Variants in TMEM94 observed in about 807,000 individuals in gnomAD.
TMEM94 encodes transmembrane protein 94, also known as ER Mg2+ ATPase.
Under a neutral mutation model 158.6 loss-of-function variants are expected in TMEM94, and 81 were observed. The observed-to-expected ratio is 0.51, with a 90% CI of 0.43 to 0.61. TMEM94 has a LOEUF of 0.61. TMEM94 is among the 20% of genes least tolerant of loss of function. The pLI is 0.00. For missense variants in TMEM94, 1,435 were observed against 1,762.0 expected (o/e 0.81, Z 3.32); for synonymous variants, 751 against 730.7 (o/e 1.03, Z -0.45).
At chr17:75,490,939 C>A in intron 11 of TMEM94, 110 bp from the exon 12 acceptor site, 1 of 981,722 alleles carries the variant, frequency 1.0e-6, no homozygotes, top group Non-Finnish European at 1.6e-6. Flanking sequence ...CAGAGAAGTG[C>A]CTCTCCACCC....
chr17:75,458,167 A>T (rs1342597081), intron 1 of TMEM94, among the ~76,000 whole-genome samples: 1 of 151,974 alleles, frequency 6.6e-6, no homozygotes, highest in Non-Finnish European at 1.5e-5. Flanking sequence ...GTTTTTGGGA[A>T]CCATTACAGT....
intron 2 of TMEM94, chr17:75,476,527 T>G (rs1160955822): frequency 7.0e-7 from 1 of 1,429,620 alleles, no homozygotes; most frequent in Non-Finnish European, 9.1e-7. Context: ...AGCTCTGCTC[T>G]GCTGCGCCTG....
At chr17:75,478,252 C>T (rs1425865516) in intron 2 of TMEM94, among the ~76,000 whole-genome samples, 1 of 140,542 alleles carries the variant, frequency 7.1e-6, no homozygotes, top group African/African-American at 2.6e-5. Context: ...CTCCTGACCT[C>T]GTGATCCGCC....
intron 5 of TMEM94, 88 bp downstream of exon 5, chr17:75,486,514 C>T (rs373833876): frequency 2.2e-5 from 33 of 1,528,564 alleles, no homozygotes; most frequent in East Asian, 1.6e-4. Context: ...CCAGCACAGA[C>T]GGGTTGCCTG....
At chr17:75,458,547 T>G (rs2049962095) in intron 1 of TMEM94, among the ~76,000 whole-genome samples, 1 of 151,666 alleles carries the variant, frequency 6.6e-6, no homozygotes, top group South Asian at 2.1e-4. Flanking sequence ...AAAAATTAGC[T>G]GGGCATGGTG....
rs369334833 is a variant in TMEM94, at chr17:75,488,754, G to A, written c.613-5G>A. ...CGTTCCCACTCTCCCACTTGCTGCC[G>A]GCAGGATGACGAGCACATCGTCCTG... On this transcript the variant is annotated splice_region_variant and splice_polypyrimidine_tract_variant and intron_variant, in intron 6 of 31. Coordinates refer to ENST00000314256, the MANE Select transcript of TMEM94 (RefSeq NM_014738.6). 11 of 1,613,658 alleles carry A rather than the reference G, an allele frequency of 6.8e-6. No individual in the cohort carries two copies. Among genetic ancestry groups the A allele is most frequent in the East Asian group, 2.2e-5 (1 of 44,858 alleles).
chr17:75,496,171 G>A (rs776292890), intron 23 of TMEM94, 97 bp downstream of exon 23: 16 of 1,539,748 alleles, frequency 1.0e-5, no homozygotes, highest in African/African-American at 2.7e-5. Context: ...TACTATAGCC[G>A]ACCTCGCCCT....
rs2051976761 is a variant in TMEM94 at position 75,489,746 on chromosome 17, CT to C, written c.954+85del. The stretch of plus-strand genomic sequence containing the variant: ...CTCCTAGTACCCTGGCTGTCCCTCC[CT>C]CTCTGCAGCCCAGAGGTCCCCTCAC... On this transcript the variant is annotated intron_variant, in intron 9 of 31. Coordinates refer to ENST00000314256, the MANE Select transcript of TMEM94 (RefSeq NM_014738.6). The surrounding 1 kb of genome is among the most constrained non-coding windows in gnomAD (Gnocchi z 5.0). The C allele has an allele frequency of 1.7e-6, 2 of 1,174,108 alleles. No individual in the cohort carries two copies. The allele number at this position is 1,174,108 out of a possible 1,614,324, so 72.7% of individuals were successfully genotyped here.
In TMEM94 at chr17:75,490,080, A is replaced by C. The variant is rs1288514435; in HGVS notation, c.955-154A>C. ...GCGACGGAGCAAGACTCCGTCTCAA[A>C]AAAAAAAAAAAAGAACACCTCTTTC... On this transcript the variant is annotated intron_variant, in intron 9 of 31. Transcript: ENST00000314256. 3 of 791,542 alleles carry C rather than the reference A, an allele frequency of 3.8e-6. No homozygotes were observed. In the African/African-American group the frequency reaches 5.5e-5, roughly 14 times the overall value. 49.0% of individuals were successfully genotyped at this position (791,542 alleles called of 1,614,324 possible). A position where few individuals can be genotyped will look rare whatever the true frequency, so the allele number is the denominator to read the frequency against.
chr17:75,496,011 C>T lies in TMEM94; in HGVS notation c.2990C>T (p.Thr997Ile), dbSNP rs765272517. 1.7e-5 allele frequency: 27 copies of T among 1,613,384 alleles called. No homozygotes were observed. Among genetic ancestry groups the T allele is most frequent in the African/African-American group, 2.7e-5 (2 of 74,922 alleles). Residue 997 changes from threonine (T) to isoleucine (I), a missense_variant, in exon 23 of 32, where the codon ACC (threonine) becomes ATC (isoleucine). Transcript: ENST00000314256. ...ATCATGCAAGAGTACGGGGAGGTGA[C>T]CTGCTGCCTGGGCAGCTCTGCCAAC... ...IKIMQEYGEVTCCLGSSANLR... is the reference protein window; with the variant it reads ...IKIMQEYGEVICCLGSSANLR...
intron 1 of TMEM94, among the ~76,000 whole-genome samples, chr17:75,467,354 A>T (rs999216305): frequency 7.3e-5 from 11 of 150,592 alleles, no homozygotes; most frequent in African/African-American, 2.7e-4. Flanking sequence ...AAATATATTT[A>T]TATTTTGTAT....
chr17:75,496,837 C>T (rs749396369), intron 25 of TMEM94, 30 bp downstream of exon 25: 9 of 1,600,168 alleles, frequency 5.6e-6, no homozygotes, highest in Non-Finnish European at 6.8e-6. Flanking sequence ...GGCATTGCCC[C>T]CGTGCCACTC....
Position 75,492,981 on chromosome 17 carries a change from G to A in TMEM94, c.1965G>A (p.Leu655=). 1 of 1,613,770 alleles carries A rather than the reference G, an allele frequency of 6.2e-7. No homozygotes were observed. Among genetic ancestry groups the A allele is most frequent in the Non-Finnish European group, 8.5e-7 (1 of 1,180,016 alleles). ...TCAAGCAGGAGAACCATCTGGCGCTGTACCGCCTCCCCAGTGCCGAGACAA... is the reference window on the plus strand; with the variant it reads ...TCAAGCAGGAGAACCATCTGGCGCTATACCGCCTCCCCAGTGCCGAGACAA... ...ELFKQENHLA[L]YRLPSAETMK... The change falls in exon 16 of 32, where the codon CTG becomes CTA. Residue 655 remains leucine, a synonymous_variant. Transcript: ENST00000314256. The surrounding 1 kb of genome is among the most constrained non-coding windows in gnomAD (Gnocchi z 4.4).
intron 2 of TMEM94, among the ~76,000 whole-genome samples, chr17:75,480,673 C>T (rs1044608129): frequency 2.0e-5 from 3 of 152,248 alleles, no homozygotes; most frequent in African/African-American, 7.2e-5. Flanking sequence ...GACTACTCCT[C>T]TTAGCCTTTT....
In TMEM94 at chr17:75,498,097, C is replaced by T. The variant is rs753229449; in HGVS notation, c.3490-78C>T. The T allele has an allele frequency of 4.2e-5, 66 of 1,573,252 alleles. No homozygotes were observed. Among genetic ancestry groups the T allele is most frequent in the East Asian group, 6.7e-5 (3 of 44,504 alleles). ...CAGGCCTGACCATTTACTAAGAGCCCGTTGAATACGTGGAAGAGCTAGGAG... is the reference window on the plus strand; with the variant it reads ...CAGGCCTGACCATTTACTAAGAGCCTGTTGAATACGTGGAAGAGCTAGGAG... On this transcript the variant is annotated intron_variant, in intron 27 of 31. Transcript: ENST00000314256. The surrounding 1 kb of genome is among the most constrained non-coding windows in gnomAD (Gnocchi z 6.7).
At position 75,485,984 on chromosome 17, in the gene TMEM94, A is replaced by G. The variant is rs981544288; in HGVS notation, c.258A>G (p.Gly86=). 1 of 1,610,394 alleles carries G rather than the reference A, an allele frequency of 6.2e-7. No individual in the cohort carries two copies. Among genetic ancestry groups the G allele is most frequent in the Non-Finnish European group, 8.5e-7 (1 of 1,179,046 alleles). The part of the protein sequence containing the change: ...AVLLLLGCCG[G]QPAGSRGVGL... Reference sequence around the variant, plus strand: ...TGCTGCTGCTGGGCTGCTGCGGGGGACAGCCAGCCGGGAGGTGTGCGCCCA... The same window carrying G: ...TGCTGCTGCTGGGCTGCTGCGGGGGGCAGCCAGCCGGGAGGTGTGCGCCCA... Residue 86 remains glycine, a synonymous_variant, in exon 4 of 32, where the codon GGA becomes GGG. Transcript: ENST00000314256. This position sits in a 1 kb window ranked among gnomAD's most constrained non-coding sequence, Gnocchi z 5.5.
chr17:75,480,648 C>A (rs541662206), intron 2 of TMEM94, among the ~76,000 whole-genome samples: 1 of 152,230 alleles, frequency 6.6e-6, no homozygotes, highest in Admixed American at 6.5e-5. Context: ...AGGAGGGACA[C>A]CTCCCTGGCT....
chr17:75,471,923 GCA>G lies in TMEM94; in HGVS notation c.20_21del (p.His7ProfsTer53), dbSNP rs746451265. On this transcript the variant is annotated frameshift_variant, in exon 2 of 32. Transcript: ENST00000314256. LOFTEE classifies it high-confidence loss of function. The stretch of plus-strand genomic sequence containing the variant: ...CTTGGCCCATGGACCTGAAGGAGAA[GCA>G]CCTGGTAGGCCATATCCTATTACCT... MDLKEK[H>X]LGEPPSALGL... 6.2e-7 allele frequency: 1 copy of G among 1,613,880 alleles called. No homozygotes were observed. Among genetic ancestry groups the G allele is most frequent in the Non-Finnish European group, 8.5e-7 (1 of 1,179,814 alleles).
chr17:75,460,823 A>G (rs1250883313), intron 1 of TMEM94, among the ~76,000 whole-genome samples: 1 of 151,988 alleles, frequency 6.6e-6, no homozygotes, highest in African/African-American at 2.4e-5. Flanking sequence ...AAAATTAAGG[A>G]AAAAAATACA....
Sources: gnomAD v4.1 joint callset for allele counts (sites outside exome capture counted in the v4.1 genomes callset) on GRCh38, gnomAD v4.1.1 for gene constraint, Gnocchi (gnomAD v3.1) non-coding constraint, MANE v1.5 for transcripts, NCBI Gene and HGNC (gene_info 2026-07-23, HGNC 2026-07-21) for gene names.